The following PLCB1 variants were observed in gnomAD, a reference collection of about 807,000 sequenced individuals.
The protein encoded by PLCB1 is phospholipase C beta 1.
In PLCB1, 46 loss-of-function variants were observed where a neutral mutation model predicts 161.8. The observed-to-expected ratio is 0.28, with a 90% CI of 0.22 to 0.36. PLCB1 has a LOEUF of 0.36. Among genes scored for constraint, PLCB1 ranks in the 10% least tolerant of loss-of-function variants. The pLI is 1.00. For missense variants in PLCB1, 1,016 were observed against 1,472.5 expected, an observed-to-expected ratio of 0.69 and a Z score of 5.07; for synonymous variants, 517 against 503.7, an observed-to-expected ratio of 1.03 and a Z score of -0.35.
intron 11 of PLCB1, among the ~76,000 whole-genome samples, chr20:8,700,854 TG>T (rs1990687608): frequency 3.3e-5 from 5 of 152,224 alleles, no homozygotes; most frequent in Admixed American, 2.0e-4. Context: ...TAGACAGTTC[TG>T]GCTGAGATGT....
At chr20:8,381,295 C>T (rs531112676) in intron 3 of PLCB1, among the ~76,000 whole-genome samples, 1 of 152,198 alleles carries the variant, frequency 6.6e-6, no homozygotes, top group Non-Finnish European at 1.5e-5. Flanking sequence ...ATGAAGCTGT[C>T]TTGATCGTAG....
At chr20:8,488,734 T>C (rs1222601712) in intron 3 of PLCB1, among the ~76,000 whole-genome samples, 3 of 152,240 alleles carry the variant, frequency 2.0e-5, no homozygotes. Context: ...AGAATTTTCA[T>C]GTTTCTTCAT....
At chr20:8,636,268 T>C (rs1988760164) in intron 4 of PLCB1, among the ~76,000 whole-genome samples, 1 of 20,338 alleles carries the variant, frequency 4.9e-5, no homozygotes, top group Non-Finnish European at 8.6e-5. Flanking sequence ...ATTCCTGACC[T>C]TATTATATTA....
chr20:8,569,306 A>C (rs904238351), intron 3 of PLCB1, among the ~76,000 whole-genome samples: 33 of 152,240 alleles, frequency 2.2e-4, no homozygotes, highest in African/African-American at 7.7e-4. Context: ...ATTTCCCCAA[A>C]AGATAAATGT....
chr20:8,317,888 T>C (rs1365025367), intron 2 of PLCB1, among the ~76,000 whole-genome samples: 1 of 152,190 alleles, frequency 6.6e-6, no homozygotes, highest in Non-Finnish European at 1.5e-5. Flanking sequence ...ATCTTTCTTC[T>C]TTTAGTTTGT....
chr20:8,325,344 A>G (rs1985108027), intron 2 of PLCB1, among the ~76,000 whole-genome samples: 1 of 152,158 alleles, frequency 6.6e-6, no homozygotes, highest in African/African-American at 2.4e-5. Flanking sequence ...AATTTTGTTG[A>G]GGTGTGATCA....
intron 23 of PLCB1, among the ~76,000 whole-genome samples, chr20:8,744,616 T>TAAATAAAATTA (rs1981057978): frequency 8.2e-6 from 1 of 121,222 alleles, no homozygotes; most frequent in Non-Finnish European, 1.7e-5. Context: ...AAAAATAAAA[T>TAAATAAAATTA]AAATAAAATA....
At chr20:8,577,368 G>A (rs1055880157) in intron 3 of PLCB1, among the ~76,000 whole-genome samples, 2 of 150,938 alleles carry the variant, frequency 1.3e-5, no homozygotes, top group African/African-American at 4.9e-5. Flanking sequence ...AACCCGGGAG[G>A]CGGAGCTTGC....
intron 3 of PLCB1, among the ~76,000 whole-genome samples, chr20:8,388,490 T>C (rs1987495944): frequency 6.6e-6 from 1 of 152,196 alleles, no homozygotes; most frequent in South Asian, 2.1e-4. Context: ...AAATTTGGTA[T>C]AGATATTTGA....
chr20:8,437,880 C>T (rs1219260908), intron 3 of PLCB1, among the ~76,000 whole-genome samples: 1 of 152,058 alleles, frequency 6.6e-6, no homozygotes, highest in African/African-American at 2.4e-5. Flanking sequence ...TCACTGCAGC[C>T]TCTAAAGATT....
intron 3 of PLCB1, among the ~76,000 whole-genome samples, chr20:8,492,652 GC>G (rs1179949846): frequency 6.6e-6 from 1 of 152,076 alleles, no homozygotes. Flanking sequence ...TGGAAATGAT[GC>G]CTTTCTTCTG....
chr20:8,472,578 T>C (rs1982101631), intron 3 of PLCB1, among the ~76,000 whole-genome samples: 1 of 152,078 alleles, frequency 6.6e-6, no homozygotes, highest in Non-Finnish European at 1.5e-5. Context: ...GGTATGATGG[T>C]GCATGCCTGT....
intron 2 of PLCB1, among the ~76,000 whole-genome samples, chr20:8,318,196 A>C (rs1984745680): frequency 6.6e-6 from 1 of 152,102 alleles, no homozygotes; most frequent in Non-Finnish European, 1.5e-5. Flanking sequence ...ACAGTGTATG[A>C]TGTTATATGA....
chr20:8,648,213 T>C lies in PLCB1; in HGVS notation c.518+260T>C, dbSNP rs539043090. 1.6e-4 allele frequency among the ~76,000 whole-genome samples: 25 copies of C among 152,328 alleles called. 3 individuals carry two copies. The South Asian group carries it at 5.2e-3, about 32-fold the overall frequency. ...GTGGAGGAAGTGGAGGGACCCTTGC[T>C]ACTAAGGCCGAAAGGCCATCTGAGA... On this transcript the variant is annotated intron_variant, in intron 6 of 31. Transcript: ENST00000338037.
chr20:8,447,373 C>A (rs940913538), intron 3 of PLCB1, among the ~76,000 whole-genome samples: 1 of 152,140 alleles, frequency 6.6e-6, no homozygotes, highest in African/African-American at 2.4e-5. Flanking sequence ...GACCTAAGAC[C>A]ATGGGAATAC....
intron 3 of PLCB1, among the ~76,000 whole-genome samples, chr20:8,445,972 A>G (rs531232288): frequency 1.3e-5 from 2 of 152,344 alleles, no homozygotes; most frequent in African/African-American, 4.8e-5. Context: ...GAATTCTACC[A>G]GAGGTACAAG....
intron 31 of PLCB1, among the ~76,000 whole-genome samples, chr20:8,848,549 T>G (rs563701074): frequency 6.6e-6 from 1 of 152,354 alleles, no homozygotes; most frequent in South Asian, 2.1e-4. Context: ...AGGAGGTCTA[T>G]GCCAGAAACC....
chr20:8,770,923 T>G (rs961762045), intron 26 of PLCB1, among the ~76,000 whole-genome samples: 2 of 152,220 alleles, frequency 1.3e-5, no homozygotes, highest in African/African-American at 4.8e-5. Flanking sequence ...TTTATTCATT[T>G]TTGTATTTAC....
chr20:8,474,538 T>C (rs1272776994), intron 3 of PLCB1, among the ~76,000 whole-genome samples: 3 of 151,766 alleles, frequency 2.0e-5, no homozygotes, highest in Non-Finnish European at 4.4e-5. Flanking sequence ...GGGATTATGG[T>C]GGAGGAGAGG....
Sources: allele counts gnomAD v4.1 joint callset (sites outside exome capture counted in the v4.1 genomes callset), GRCh38; gene constraint gnomAD v4.1.1; transcripts MANE v1.5; gene names NCBI Gene and HGNC (gene_info 2026-07-23, HGNC 2026-07-21).